Variants in PTPN9 observed in about 807,000 individuals in gnomAD.
The protein encoded by PTPN9 is protein tyrosine phosphatase non-receptor type 9.
PTPN9 carries 26 observed loss-of-function variants against 69.8 expected under a neutral mutation model. The observed-to-expected ratio is 0.37, with a 90% CI of 0.27 to 0.52. The LOEUF is 0.52. Among genes scored for constraint, PTPN9 ranks in the 20% least tolerant of loss-of-function variants. The pLI, the probability that PTPN9 is intolerant of heterozygous loss-of-function variation, is 0.91. For missense variants in PTPN9, 549 were observed against 740.3 expected (o/e 0.74, Z 3.00); for synonymous variants, 274 against 272.5 (o/e 1.01, Z -0.05).
intron 1 of PTPN9, among the ~76,000 whole-genome samples, chr15:75,543,128 C>G (rs1315220348): frequency 6.6e-6 from 1 of 151,492 alleles, no homozygotes; most frequent in Non-Finnish European, 1.5e-5. Context: ...CAATACTTTG[C>G]TGAGAATGAT....
chr15:75,572,713 A>G (rs928813677), intron 1 of PTPN9, among the ~76,000 whole-genome samples: 2 of 152,204 alleles, frequency 1.3e-5, no homozygotes, highest in Non-Finnish European at 2.9e-5. Flanking sequence ...TCTCAAAAAA[A>G]AAGAAAAAAA....
chr15:75,473,409 C>A (rs1167673403), intron 10 of PTPN9, among the ~76,000 whole-genome samples: 1 of 151,984 alleles, frequency 6.6e-6, no homozygotes, highest in Non-Finnish European at 1.5e-5. Flanking sequence ...ACCACAATGC[C>A]CGGCTAATTT....
rs1190251423 is a variant in PTPN9 at position 75,468,418 on chromosome 15, AC to A, written c.*350del. 1.5e-5 allele frequency: 3 copies of A among 194,590 alleles called. No individual in the cohort carries two copies. The East Asian group carries it at 3.6e-4, about 23-fold the overall frequency. 12.1% of individuals were successfully genotyped at this position (194,590 alleles called of 1,614,324 possible). On this transcript the variant is annotated 3_prime_UTR_variant, in exon 13 of 13. Transcript: ENST00000618819. ...TCCTAGGAAAGGGAAGGAGTGGGAG[AC>A]AGGAGACCTCAGAAAAAGAATGGCG...
At chr15:75,538,042 G>C (rs2074992613) in intron 1 of PTPN9, among the ~76,000 whole-genome samples, 1 of 150,618 alleles carries the variant, frequency 6.6e-6, no homozygotes, top group South Asian at 2.1e-4. Flanking sequence ...CTGGGAGAGA[G>C]AGCAAGACTT....
intron 1 of PTPN9, among the ~76,000 whole-genome samples, chr15:75,543,023 C>T (rs929110142): frequency 2.9e-5 from 4 of 135,978 alleles, no homozygotes; most frequent in Admixed American, 7.7e-5. Flanking sequence ...CGACAGTCCC[C>T]GGTGTGTAAT....
chr15:75,494,922 G>A (rs1158415724), intron 7 of PTPN9, among the ~76,000 whole-genome samples: 1 of 152,008 alleles, frequency 6.6e-6, no homozygotes, highest in Non-Finnish European at 1.5e-5. Flanking sequence ...TACTCAGGAG[G>A]CTGAGGCAGG....
chr15:75,474,888 G>A (rs1387117349), intron 9 of PTPN9, among the ~76,000 whole-genome samples: 1 of 152,084 alleles, frequency 6.6e-6, no homozygotes, highest in Non-Finnish European at 1.5e-5. Flanking sequence ...TACTTCATCA[G>A]AACATAGACA....
At chr15:75,548,519 G>C (rs1457934479) in intron 1 of PTPN9, among the ~76,000 whole-genome samples, 5 of 151,528 alleles carry the variant, frequency 3.3e-5, no homozygotes. Flanking sequence ...CTCCCAAAGT[G>C]CTGGGATTAC....
At chr15:75,535,097 C>A (rs1037813727) in intron 1 of PTPN9, among the ~76,000 whole-genome samples, 65 of 151,466 alleles carry the variant, frequency 4.3e-4, no homozygotes, top group African/African-American at 1.5e-3. Context: ...CCTGGGTTCA[C>A]GCCATTCTCC....
rs2074933228 is a variant in PTPN9 at position 75,527,286 on chromosome 15, A to C, written c.64-25T>G. 1.9e-6 allele frequency: 3 copies of C among 1,611,748 alleles called. No homozygotes were observed. In the Admixed American group the frequency reaches 5.0e-5, roughly 27 times the overall value. On this transcript the variant is annotated intron_variant, in intron 1 of 12. Transcript: ENST00000618819. ...CCTGTTTGACAAAGAAAGAAAGAAT[A>C]ATTAGTAAGAAGAGAGCATATTTAT...
intron 1 of PTPN9, among the ~76,000 whole-genome samples, chr15:75,562,903 A>G (rs1481223208): frequency 6.6e-6 from 1 of 151,474 alleles, no homozygotes; most frequent in Non-Finnish European, 1.5e-5. Context: ...ATTCTTTAGC[A>G]AACATATTTT....
chr15:75,564,899 C>T (rs1372525577), intron 1 of PTPN9, among the ~76,000 whole-genome samples: 2 of 151,552 alleles, frequency 1.3e-5, no homozygotes, highest in Non-Finnish European at 2.9e-5. Context: ...GTCAGGAGTT[C>T]GAGACCAGCC....
In PTPN9 at chr15:75,509,028, C is replaced by T; in HGVS notation, c.529-1G>A. 6.2e-7 allele frequency: 1 copy of T among 1,612,858 alleles called. No individual in the cohort carries two copies. The highest frequency in any genetic ancestry group is 1.1e-5 in the South Asian group (1 of 90,998). ...TCTTCAAACGAGCTGGAAATGCTCC[C>T]TGTGGAGAAAACACATGAGGATTTA... On this transcript the variant is annotated splice_acceptor_variant, in intron 5 of 12. Transcript: ENST00000618819. LOFTEE classifies it high-confidence loss of function.
At chr15:75,485,930 C>G (rs1215735152) in intron 8 of PTPN9, among the ~76,000 whole-genome samples, 2 of 151,024 alleles carry the variant, frequency 1.3e-5, no homozygotes, top group African/African-American at 4.9e-5. Context: ...GAAACCCCAT[C>G]TCTACTAAAA....
Position 75,535,666 on chromosome 15 carries a change from A to G in PTPN9, c.64-8405T>C, listed in dbSNP as rs144261057. Among the ~76,000 whole-genome samples, 144 of 152,332 alleles carry G rather than the reference A, an allele frequency of 9.5e-4. 1 individual carries two copies. The East Asian group carries it at 0.026, about 28-fold the overall frequency. ...TGAAGATACTTCTGTATTTCAACAA[A>G]TATGCCATTTCTCCATTATTTCAGT... On this transcript the variant is annotated intron_variant, in intron 1 of 12. Transcript: ENST00000618819.
At chr15:75,493,562 A>C (rs910069575) in intron 7 of PTPN9, among the ~76,000 whole-genome samples, 2 of 152,082 alleles carry the variant, frequency 1.3e-5, no homozygotes, top group South Asian at 4.2e-4. Flanking sequence ...GAAGTTTAAG[A>C]CCAGCCTGGC....
intron 9 of PTPN9, among the ~76,000 whole-genome samples, chr15:75,478,724 A>G (rs926387596): frequency 1.3e-5 from 2 of 152,234 alleles, no homozygotes; most frequent in African/African-American, 4.8e-5. Context: ...AAAACTGGCA[A>G]TACACAATGC....
intron 5 of PTPN9, among the ~76,000 whole-genome samples, chr15:75,514,379 G>A (rs1381311632): frequency 1.3e-5 from 2 of 152,112 alleles, no homozygotes; most frequent in East Asian, 3.9e-4. Flanking sequence ...AGGAGCTTGA[G>A]ACCAGCCTAG....
At chr15:75,525,203 T>G (rs968355432) in intron 2 of PTPN9, among the ~76,000 whole-genome samples, 6 of 145,846 alleles carry the variant, frequency 4.1e-5, no homozygotes, top group Admixed American at 6.9e-5. Flanking sequence ...GCCAGATTCT[T>G]TTTTTTTTTT....
Sources: allele counts gnomAD v4.1 joint callset (sites outside exome capture counted in the v4.1 genomes callset), GRCh38; gene constraint gnomAD v4.1.1; transcripts MANE v1.5; gene names NCBI Gene and HGNC (gene_info 2026-07-23, HGNC 2026-07-21).